GYPC: variants seen among roughly 807,000 people sequenced by gnomAD.
GYPC encodes glycophorin C (Gerbich blood group).
In GYPC, 14 loss-of-function variants were observed where a neutral mutation model predicts 12.6. The ratio of observed to expected loss-of-function variants is 1.11; its 90% CI spans 0.74 to 1.74. The LOEUF is 1.74. Among genes scored for constraint, GYPC ranks in the 40% most tolerant of loss-of-function variants. GYPC has a pLI of 0.00. For missense variants in GYPC, 225 were observed against 172.1 expected, an observed-to-expected ratio of 1.31 and a Z score of -1.72; for synonymous variants, 78 against 62.1, an observed-to-expected ratio of 1.26 and a Z score of -1.20.
intron 1 of GYPC, among the ~76,000 whole-genome samples, chr2:126,677,948 G>A (rs1327101983): frequency 1.3e-5 from 2 of 152,236 alleles, no homozygotes; most frequent in Non-Finnish European, 2.9e-5. Flanking sequence ...TCGGCCGGGT[G>A]CAGCGGCTCA....
chr2:126,681,219 A>G (rs1683141941), intron 1 of GYPC, among the ~76,000 whole-genome samples: 1 of 152,168 alleles, frequency 6.6e-6, no homozygotes, highest in Non-Finnish European at 1.5e-5. Context: ...TTTTTGTGGA[A>G]TATTTTTCAT....
chr2:126,690,399 G>C (rs1683425792), intron 2 of GYPC, 88 bp downstream of exon 2: 1 of 1,005,966 alleles, frequency 9.9e-7, no homozygotes, highest in African/African-American at 1.6e-5. Flanking sequence ...AGCAGCCAGG[G>C]TTGGGGGACT....
rs775565017 is a variant in GYPC at position 126,656,322 on chromosome 2, C to T, written c.49+10C>T. ...TGGCCTCTCAGCCTCGGTGAGTACC[C>T]GCCGTGGGGAAGGGTCCTGGGGACC... On this transcript the variant is annotated intron_variant, in intron 1 of 3. Coordinates refer to ENST00000259254, the MANE Select transcript of GYPC (RefSeq NM_002101.5). 4.4e-6 allele frequency: 7 copies of T among 1,589,630 alleles called. No individual in the cohort carries two copies. Among genetic ancestry groups the T allele is most frequent in the African/African-American group, 1.3e-5 (1 of 74,152 alleles).
chr2:126,679,966 C>G (rs768588085), intron 1 of GYPC: 1 of 152,162 alleles, frequency 6.6e-6, no homozygotes, highest in Non-Finnish European at 1.5e-5. Flanking sequence ...CAAATGCAAC[C>G]TGTGGCCTGT....
rs1298553179 is a variant in GYPC, at chr2:126,693,848, T to C, written c.107-16T>C. 1.9e-6 allele frequency: 3 copies of C among 1,566,362 alleles called. No individual in the cohort carries two copies. Among genetic ancestry groups the C allele is most frequent in the Non-Finnish European group, 2.6e-6 (3 of 1,136,358 alleles). On this transcript the variant is annotated splice_polypyrimidine_tract_variant and intron_variant, in intron 2 of 3. Coordinates refer to ENST00000259254, the MANE Select transcript of GYPC (RefSeq NM_002101.5). ...ATCTTCCTCTCTGACCTCAGATTCT[T>C]GTCCTCTGTTCACAGAGCCTGATCC...
chr2:126,668,114 T>C (rs28387114), intron 1 of GYPC, among the ~76,000 whole-genome samples: 33,361 of 152,182 alleles, frequency 0.22, 4,415 homozygotes, highest in Non-Finnish European at 0.3. Context: ...GAAGGGGTTC[T>C]TCACCTGGGA....
At chr2:126,694,167 T>G (rs984222721) in intron 3 of GYPC, among the ~76,000 whole-genome samples, 1 of 152,144 alleles carries the variant, frequency 6.6e-6, no homozygotes, top group Non-Finnish European at 1.5e-5. Flanking sequence ...TTATTGGCCT[T>G]TCTCAGGGCT....
intron 1 of GYPC, among the ~76,000 whole-genome samples, chr2:126,673,782 G>A (rs1474944883): frequency 1.3e-5 from 2 of 152,240 alleles, no homozygotes; most frequent in African/African-American, 4.8e-5. Context: ...AGATGCACAT[G>A]TGTACACACA....
chr2:126,694,959 GA>G (rs1479767694), intron 3 of GYPC, among the ~76,000 whole-genome samples: 1 of 152,086 alleles, frequency 6.6e-6, no homozygotes, highest in Non-Finnish European at 1.5e-5. Context: ...AGTCCCAGCA[GA>G]AGTGAGGGGT....
At chr2:126,670,238 G>A (rs923488545) in intron 1 of GYPC, among the ~76,000 whole-genome samples, 12 of 152,218 alleles carry the variant, frequency 7.9e-5, no homozygotes, top group Non-Finnish European at 1.6e-4. Context: ...ACTGGACCAA[G>A]CCTTAAGTTT....
intron 1 of GYPC, among the ~76,000 whole-genome samples, chr2:126,664,829 T>C (rs1431902779): frequency 1.3e-5 from 2 of 152,166 alleles, no homozygotes; most frequent in Admixed American, 6.5e-5. Context: ...GTTCTGTCTG[T>C]CACGGGAGGA....
chr2:126,660,185 C>T (rs1682497078), intron 1 of GYPC, among the ~76,000 whole-genome samples: 1 of 152,226 alleles, frequency 6.6e-6, no homozygotes, highest in South Asian at 2.1e-4. Flanking sequence ...TGAGGAACTG[C>T]ATGCACAGAC....
intron 1 of GYPC, among the ~76,000 whole-genome samples, chr2:126,674,738 T>G (rs1682948594): frequency 1.3e-5 from 2 of 152,158 alleles, no homozygotes; most frequent in African/African-American, 4.8e-5. Context: ...CCCAAGCACC[T>G]TGCTCCTTCC....
chr2:126,689,515 G>A (rs1383292868), intron 1 of GYPC, among the ~76,000 whole-genome samples: 2 of 150,702 alleles, frequency 1.3e-5, no homozygotes, highest in Non-Finnish European at 1.5e-5. Context: ...GACCTAGTGG[G>A]GGATAGTTGA....
chr2:126,666,015 G>A (rs1337243254), intron 1 of GYPC, among the ~76,000 whole-genome samples: 1 of 152,144 alleles, frequency 6.6e-6, no homozygotes, highest in Non-Finnish European at 1.5e-5. Flanking sequence ...CAGCCCTGAG[G>A]TCGCTCTCCT....
chr2:126,669,424 G>T (rs930946089), intron 1 of GYPC, among the ~76,000 whole-genome samples: 17 of 152,052 alleles, frequency 1.1e-4, no homozygotes, highest in Admixed American at 8.5e-4. Context: ...ATCCCTGCAC[G>T]GCACCACCCC....
intron 1 of GYPC, chr2:126,680,501 C>G (rs2104792964): frequency 6.6e-6 from 1 of 152,356 alleles, no homozygotes; most frequent in East Asian, 1.9e-4. Context: ...AGCTGAGTAA[C>G]ACACCAATAA....
chr2:126,685,667 G>A (rs1007808425), intron 1 of GYPC, among the ~76,000 whole-genome samples: 1 of 152,180 alleles, frequency 6.6e-6, no homozygotes, highest in Non-Finnish European at 1.5e-5. Context: ...ACAGGCATGA[G>A]CCACTGCACC....
intron 1 of GYPC, among the ~76,000 whole-genome samples, chr2:126,665,110 T>C (rs1287834062): frequency 1.3e-5 from 2 of 152,218 alleles, no homozygotes. Context: ...GCAGAAGCAA[T>C]TCATGTTCAT....
Sources: gnomAD v4.1 joint callset for allele counts (sites outside exome capture counted in the v4.1 genomes callset) on GRCh38, gnomAD v4.1.1 for gene constraint, MANE v1.5 for transcripts, NCBI Gene and HGNC (gene_info 2026-07-23, HGNC 2026-07-21) for gene names.